DPY19L1: variants seen among roughly 807,000 people sequenced by gnomAD.
DPY19L1 encodes dpy-19 like C-mannosyltransferase 1.
In DPY19L1, 35 loss-of-function variants were observed where a neutral mutation model predicts 96.9. The observed-to-expected ratio is 0.36, with a 90% CI of 0.28 to 0.48. The LOEUF is 0.48. Among genes scored for constraint, DPY19L1 ranks in the 20% least tolerant of loss-of-function variants. The probability of loss-of-function intolerance (pLI) is 0.99; values close to 1 mark genes in which losing one functional copy is unlikely to be tolerated. For synonymous variants in DPY19L1, 205 were observed against 252.6 expected, an observed-to-expected ratio of 0.81 and a Z score of 1.79; for missense variants, 521 against 777.9, an observed-to-expected ratio of 0.67 and a Z score of 3.93.
intron 4 of DPY19L1, 97 bp from the exon 5 acceptor site, chr7:35,011,547 C>G: frequency 8.5e-7 from 1 of 1,177,908 alleles, no homozygotes; most frequent in South Asian, 1.6e-5. Flanking sequence ...CCATATTTTC[C>G]CTTTCCATAC....
rs1784355134 is a variant in DPY19L1 at position 34,955,312 on chromosome 7, A to G, written c.1235T>C (p.Leu412Ser). ...FLKINVSELSLWVIQGCFWLF... is the reference protein window; with the variant it reads ...FLKINVSELSSWVIQGCFWLF... ...TTAAAATAGATTGATTCTCACCCAT[A>G]AACTAAGTTCAGATACATTTATTTT... Residue 412 changes from leucine to serine, a missense_variant, in exon 12 of 22, where the codon TTA (leucine) becomes TCA (serine). Transcript: ENST00000638088. 1 of 1,601,224 alleles carries G rather than the reference A, an allele frequency of 6.2e-7. No individual in the cohort carries two copies. Among genetic ancestry groups the G allele is most frequent in the East Asian group, 2.2e-5 (1 of 44,632 alleles).
chr7:35,010,125 G>A lies in DPY19L1; in HGVS notation c.764+343C>T, dbSNP rs528323821. 4.0e-5 allele frequency among the ~76,000 whole-genome samples: 6 copies of A among 151,394 alleles called. No homozygotes were observed. In the South Asian group the frequency reaches 8.4e-4, roughly 21 times the overall value. On this transcript the variant is annotated intron_variant, in intron 6 of 21. Coordinates refer to ENST00000638088, the MANE Select transcript of DPY19L1 (RefSeq NM_001366673.1). ...TGCACCTATAGTCCCAGCTACTCAG[G>A]AGGCTGAAGTGGGAGGATCGCTTGA...
upstream of DPY19L1, chr7:35,037,771 T>A (rs1786480630): frequency 1.3e-5 from 15 of 1,154,544 alleles, no homozygotes; most frequent in South Asian, 5.5e-4. Flanking sequence ...CGCGCGGACT[T>A]CCGGCGCAGG....
At position 34,989,136 on chromosome 7, in the gene DPY19L1, T is replaced by C. The variant is rs148637969; in HGVS notation, c.822+748A>G. On this transcript the variant is annotated intron_variant, in intron 7 of 21. Transcript: ENST00000638088. ...AATACTGTTGTCTTTAGAAAGCCCT[T>C]GAACACTAAAATATTTTGCAAAAAG... Among the ~76,000 whole-genome samples, 800 of 152,280 alleles carry C rather than the reference T, an allele frequency of 5.3e-3. 8 individuals are homozygous for C. The highest frequency in any genetic ancestry group is 0.018 in the African/African-American group (751 of 41,560).
chr7:35,013,365 T>G (rs1785760660), intron 4 of DPY19L1, among the ~76,000 whole-genome samples: 1 of 152,156 alleles, frequency 6.6e-6, no homozygotes, highest in Non-Finnish European at 1.5e-5. Flanking sequence ...TGCAATCAAA[T>G]CAACAGTTCC....
rs985840675 is a variant in DPY19L1 at position 34,930,765 on chromosome 7, C to T, written c.*808G>A. The T allele has an allele frequency of 6.6e-6, 1 of 151,758 alleles. No individual in the cohort carries two copies. Among genetic ancestry groups the T allele is most frequent in the Non-Finnish European group, 1.5e-5 (1 of 67,956 alleles). 9.4% of individuals were successfully genotyped at this position (151,758 alleles called of 1,614,324 possible). A position where few individuals can be genotyped will look rare whatever the true frequency, so the allele number is the denominator to read the frequency against. ...TTAAAATATAAACATTTGAATAATG[C>T]TAAAAATGAGAAAAATACAGTTACC... On this transcript the variant is annotated 3_prime_UTR_variant, in exon 22 of 22. Coordinates refer to ENST00000638088, the MANE Select transcript of DPY19L1 (RefSeq NM_001366673.1).
intron 4 of DPY19L1, among the ~76,000 whole-genome samples, chr7:35,013,234 G>A (rs1359198526): frequency 6.6e-6 from 1 of 152,184 alleles, no homozygotes; most frequent in Non-Finnish European, 1.5e-5. Flanking sequence ...TCAAGAAAGT[G>A]CACTCAATTA....
At chr7:34,992,361 T>C (rs1186754343) in intron 6 of DPY19L1, among the ~76,000 whole-genome samples, 1 of 152,102 alleles carries the variant, frequency 6.6e-6, no homozygotes, top group Non-Finnish European at 1.5e-5. Context: ...AATGTGAAAA[T>C]AACATTTAAA....
At chr7:34,990,221 T>C (rs1349773036) in intron 6 of DPY19L1, among the ~76,000 whole-genome samples, 1 of 152,262 alleles carries the variant, frequency 6.6e-6, no homozygotes, top group Admixed American at 6.5e-5. Flanking sequence ...GTAGTCATAT[T>C]ACTGTACATC....
chr7:34,962,852 T>A (rs924173163), intron 10 of DPY19L1, among the ~76,000 whole-genome samples: 36 of 152,050 alleles, frequency 2.4e-4, no homozygotes, highest in Admixed American at 3.9e-4. Flanking sequence ...AGGTTGTGCA[T>A]GGTTGGGGGC....
chr7:34,978,998 T>C (rs1336176100), intron 7 of DPY19L1, among the ~76,000 whole-genome samples: 2 of 152,128 alleles, frequency 1.3e-5, no homozygotes, highest in African/African-American at 4.8e-5. Flanking sequence ...CAGGATTTAA[T>C]GTGTCAGTGA....
At chr7:35,004,160 T>C (rs1785496765) in intron 6 of DPY19L1, among the ~76,000 whole-genome samples, 2 of 152,244 alleles carry the variant, frequency 1.3e-5, no homozygotes, top group Admixed American at 6.5e-5. Context: ...AACTCTCACT[T>C]TTGGCTTGTC....
chr7:35,013,754 G>T, intron 3 of DPY19L1, 49 bp from the exon 4 acceptor site: 1 of 1,440,028 alleles, frequency 6.9e-7, no homozygotes, highest in Non-Finnish European at 9.5e-7. Context: ...ACATAATTAT[G>T]ATGCCACTTC....
intron 10 of DPY19L1, among the ~76,000 whole-genome samples, chr7:34,965,989 C>T (rs1180201992): frequency 2.6e-5 from 4 of 152,026 alleles, no homozygotes; most frequent in African/African-American, 9.7e-5. Flanking sequence ...TCTTGGTGCT[C>T]CTGATCTGCC....
chr7:34,999,946 G>A (rs1785382739), intron 6 of DPY19L1, among the ~76,000 whole-genome samples: 1 of 152,192 alleles, frequency 6.6e-6, no homozygotes, highest in Non-Finnish European at 1.5e-5. Flanking sequence ...ATCTGAAAGT[G>A]GCTTTCCCTA....
chr7:34,957,369 C>G (rs763188196), intron 11 of DPY19L1, among the ~76,000 whole-genome samples: 8 of 151,796 alleles, frequency 5.3e-5, no homozygotes, highest in Middle Eastern at 3.4e-3. Flanking sequence ...GAGTGAAACT[C>G]CACCTTAAAA....
chr7:35,027,407 G>T (rs1434356014), intron 1 of DPY19L1, among the ~76,000 whole-genome samples: 1 of 152,016 alleles, frequency 6.6e-6, no homozygotes, highest in Non-Finnish European at 1.5e-5. Flanking sequence ...GCCTTGGTAG[G>T]TTTGGCAGTT....
Position 34,947,614 on chromosome 7 carries a change from T to G in DPY19L1, c.1494+16A>C. 6.3e-7 allele frequency: 1 copy of G among 1,596,930 alleles called. No homozygotes were observed. The highest frequency in any genetic ancestry group is 8.5e-7 in the Non-Finnish European group (1 of 1,171,556). ...ATATTCTATTATAAGAAAGAGCTCT[T>G]AAGTGATAGACATACCTTTCTAACA... On this transcript the variant is annotated intron_variant, in intron 15 of 21. Transcript: ENST00000638088.
chr7:34,948,245 C>A (rs1421000511), intron 14 of DPY19L1, among the ~76,000 whole-genome samples: 3 of 152,124 alleles, frequency 2.0e-5, no homozygotes, highest in South Asian at 4.1e-4. Flanking sequence ...TATCTCTCCA[C>A]CCAAAAAACC....
Sources: gnomAD v4.1 joint callset for allele counts (sites outside exome capture counted in the v4.1 genomes callset) on GRCh38, gnomAD v4.1.1 for gene constraint, MANE v1.5 for transcripts, NCBI Gene and HGNC (gene_info 2026-07-23, HGNC 2026-07-21) for gene names.